The following MLLT10 variants were observed in gnomAD, a reference collection of about 807,000 sequenced individuals.
MLLT10 encodes MLLT10 histone lysine methyltransferase DOT1L cofactor, also known as protein AF-10.
In MLLT10, 30 loss-of-function variants were observed where a neutral mutation model predicts 129.1. That is an observed-to-expected ratio of 0.23 (90% CI 0.17 to 0.32). The LOEUF (loss-of-function observed/expected upper bound fraction) is 0.32. MLLT10 is among the 10% of genes least tolerant of loss of function. MLLT10 has a pLI of 1.00. For synonymous variants in MLLT10, 490 were observed against 446.4 expected, an observed-to-expected ratio of 1.10 and a Z score of -1.23; for missense variants, 1,119 against 1,268.3, an observed-to-expected ratio of 0.88 and a Z score of 1.79.
intron 8 of MLLT10, among the ~76,000 whole-genome samples, chr10:21,621,237 G>GC (rs1216804613): frequency 5.5e-5 from 7 of 127,746 alleles, no homozygotes; most frequent in Admixed American, 4.2e-4. Context: ...CTCGTGATCC[G>GC]CCCCCCGCTC....
intron 9 of MLLT10, among the ~76,000 whole-genome samples, chr10:21,653,260 C>G (rs560630279): frequency 6.6e-6 from 1 of 152,068 alleles, no homozygotes; most frequent in Non-Finnish European, 1.5e-5. Context: ...TTCTACCGTT[C>G]GTCAGGTTAT....
At chr10:21,635,051 T>C (rs913959991) in intron 8 of MLLT10, among the ~76,000 whole-genome samples, 1 of 152,226 alleles carries the variant, frequency 6.6e-6, no homozygotes, top group African/African-American at 2.4e-5. Flanking sequence ...TGTCCTAGAA[T>C]GGACCCTTCA....
chr10:21,726,302 G>A lies in MLLT10; in HGVS notation c.1937G>A (p.Arg646Lys), dbSNP rs1426995165. The stretch of plus-strand genomic sequence containing the variant: ...GCACCATCTCATATGTATGGCAATA[G>A]ATCAAATTCATCAATGGCAGCTCTT... ...SQAPSHMYGN[R>K]SNSSMAALIA... Residue 646 changes from arginine (R) to lysine (K), a missense_variant, in exon 15 of 23, where the codon AGA becomes AAA. By Grantham distance (26) the Arg-to-Lys change is conservative (BLOSUM62 2). Transcript: ENST00000307729. 13 of 1,613,342 alleles carry A rather than the reference G, an allele frequency of 8.1e-6. No homozygotes were observed. The highest frequency in any genetic ancestry group is 1.1e-5 in the Non-Finnish European group (13 of 1,179,676).
At chr10:21,608,268 C>G (rs1419818483) in intron 5 of MLLT10, among the ~76,000 whole-genome samples, 1 of 151,708 alleles carries the variant, frequency 6.6e-6, no homozygotes, top group Admixed American at 6.6e-5. Flanking sequence ...CTCCTGGGCT[C>G]AAGCCATCCT....
chr10:21,593,034 A>C (rs1339226206), intron 4 of MLLT10, among the ~76,000 whole-genome samples: 2 of 149,692 alleles, frequency 1.3e-5, no homozygotes, highest in Non-Finnish European at 3.0e-5. Flanking sequence ...ATTTCTTCTG[A>C]CCTGTTTTGT....
rs2039742383 is a variant in MLLT10, at chr10:21,567,689, T to C, written c.241-18605T>C. ...AGGTTCCCCATGTGATCATTGCTGG[T>C]ATGGGTGGGGCTAGGTTTTCTATGG... On this transcript the variant is annotated intron_variant, in intron 3 of 22. Coordinates refer to ENST00000307729, the MANE Select transcript of MLLT10 (RefSeq NM_001195626.3). 2.6e-5 allele frequency among the ~76,000 whole-genome samples: 4 copies of C among 152,100 alleles called. No homozygotes were observed. In the South Asian group the frequency reaches 8.3e-4, roughly 31 times the overall value.
intron 5 of MLLT10, among the ~76,000 whole-genome samples, chr10:21,600,554 C>T (rs1378175356): frequency 6.6e-6 from 1 of 152,034 alleles, no homozygotes; most frequent in Admixed American, 6.6e-5. Flanking sequence ...TAATAAGGCC[C>T]CTGATATTCA....
chr10:21,673,726 T>C lies in MLLT10; in HGVS notation c.1428T>C (p.His476=), dbSNP rs149979889. ...KKRKGNKQSK[H]GPGRPKGNKN... is the part of the protein sequence containing the mutation. ...GGAAAGGAAATAAACAAAGTAAGCA[T>C]GGGCCTGGCAGACCCAAAGGAAACA... The change falls in exon 11 of 23, where the codon CAT becomes CAC. Residue 476 remains histidine (H), a synonymous_variant. Coordinates refer to ENST00000307729, the MANE Select transcript of MLLT10 (RefSeq NM_001195626.3). The C allele has an allele frequency of 1.2e-6, 2 of 1,613,996 alleles. No individual in the cohort carries two copies. The highest frequency in any genetic ancestry group is 1.7e-6 in the Non-Finnish European group (2 of 1,180,024).
intron 13 of MLLT10, among the ~76,000 whole-genome samples, chr10:21,705,818 G>C (rs967025117): frequency 6.6e-6 from 1 of 152,122 alleles, no homozygotes; most frequent in Non-Finnish European, 1.5e-5. Flanking sequence ...AACATGTATG[G>C]GATACAGCAT....
chr10:21,672,421 T>C (rs2051544160), intron 10 of MLLT10, among the ~76,000 whole-genome samples: 1 of 152,138 alleles, frequency 6.6e-6, no homozygotes, highest in Non-Finnish European at 1.5e-5. Context: ...AGAGACGGGT[T>C]CAGCCTCCTG....
At chr10:21,650,306 G>T (rs2048897661) in intron 8 of MLLT10, among the ~76,000 whole-genome samples, 1 of 152,208 alleles carries the variant, frequency 6.6e-6, no homozygotes, top group South Asian at 2.1e-4. Flanking sequence ...AGCTGTGATC[G>T]TACCACTGCA....
chr10:21,736,162 T>C (rs2058347249), intron 21 of MLLT10, among the ~76,000 whole-genome samples: 1 of 150,246 alleles, frequency 6.7e-6, no homozygotes, highest in South Asian at 2.1e-4. Context: ...ATAGTCTGTG[T>C]GTGTTATAGG....
chr10:21,672,723 G>T (rs1326298500), intron 10 of MLLT10, among the ~76,000 whole-genome samples: 4 of 152,180 alleles, frequency 2.6e-5, no homozygotes, highest in Non-Finnish European at 4.4e-5. Flanking sequence ...GAGAATGTGA[G>T]ATATAGATTA....
At chr10:21,620,073 G>C (rs1310243874) in intron 8 of MLLT10, among the ~76,000 whole-genome samples, 1 of 151,832 alleles carries the variant, frequency 6.6e-6, no homozygotes, top group Non-Finnish European at 1.5e-5. Context: ...GGGATTACAG[G>C]TGCACACCAC....
At chr10:21,684,807 A>T (rs1203462019) in intron 13 of MLLT10, among the ~76,000 whole-genome samples, 1 of 152,174 alleles carries the variant, frequency 6.6e-6, no homozygotes, top group East Asian at 1.9e-4. Context: ...CTCCAGTCTC[A>T]TCCCTTCTTC....
intron 8 of MLLT10, among the ~76,000 whole-genome samples, chr10:21,647,262 A>G (rs1156691710): frequency 6.6e-6 from 1 of 151,990 alleles, no homozygotes; most frequent in Non-Finnish European, 1.5e-5. Context: ...CATTGCAAAT[A>G]GAAGTATGAT....
In MLLT10 at chr10:21,727,875, T is replaced by A; in HGVS notation, c.2010T>A (p.Asn670Lys). 1 of 1,613,998 alleles carries A rather than the reference T, an allele frequency of 6.2e-7. No individual in the cohort carries two copies. The highest frequency in any genetic ancestry group is 1.1e-5 in the South Asian group (1 of 91,042). ...CTACAGATCAAGATCTTGGAGACAA[T>A]AGCCGCAACCTAGTTGGCAGAGGAA... is the stretch of plus-strand genomic sequence containing the variant. Reference protein sequence around the residue: ...NNQTDQDLGDNSRNLVGRGSS... With the variant: ...NNQTDQDLGDKSRNLVGRGSS... The change falls in exon 16 of 23, where the codon AAT becomes AAA. Residue 670 changes from asparagine (N) to lysine (K), a missense_variant. Transcript: ENST00000307729.
At chr10:21,726,190 T>C in intron 14 of MLLT10, 54 bp from the exon 15 acceptor site, 1 of 1,211,070 alleles carries the variant, frequency 8.3e-7, no homozygotes, top group Non-Finnish European at 1.2e-6. Flanking sequence ...AAGGGAAAAC[T>C]TTTAATATAT....
chr10:21,709,183 T>C (rs931339820), intron 13 of MLLT10, among the ~76,000 whole-genome samples: 5 of 152,160 alleles, frequency 3.3e-5, no homozygotes, highest in African/African-American at 1.2e-4. Flanking sequence ...AGACTCCCTG[T>C]GTAGTACACT....
Sources: gnomAD v4.1 joint callset for allele counts (sites outside exome capture counted in the v4.1 genomes callset) on GRCh38, gnomAD v4.1.1 for gene constraint, MANE v1.5 for transcripts, NCBI Gene and HGNC (gene_info 2026-07-23, HGNC 2026-07-21) for gene names.